Variants in TMEM26 observed in about 807,000 individuals in gnomAD.
TMEM26 encodes transmembrane protein 26.
Under a neutral mutation model 28.8 loss-of-function variants are expected in TMEM26, and 38 were observed. The ratio of observed to expected loss-of-function variants is 1.32; its 90% CI spans 1.02 to 1.73. TMEM26 has a LOEUF of 1.73. Ranked by LOEUF, TMEM26 falls within the 40% of genes most tolerant of loss-of-function variation. The probability of loss-of-function intolerance (pLI) is 0.00; values close to 1 mark genes in which losing one functional copy is unlikely to be tolerated. For synonymous variants in TMEM26, 227 were observed against 182.9 expected (o/e 1.24, Z -1.95); for missense variants, 518 against 447.1 (o/e 1.16, Z -1.43).
chr10:61,408,071 A>G lies in TMEM26; in HGVS notation c.*2251T>C, dbSNP rs1421272692. 1 of 152,184 alleles carries G rather than the reference A, an allele frequency of 6.6e-6. No homozygotes were observed. Among genetic ancestry groups the G allele is most frequent in the Non-Finnish European group, 1.5e-5 (1 of 68,032 alleles). 9.4% of individuals were successfully genotyped at this position (152,184 alleles called of 1,614,324 possible). A position where few individuals can be genotyped will look rare whatever the true frequency, so the allele number is the denominator to read the frequency against. On this transcript the variant is annotated 3_prime_UTR_variant, in exon 6 of 6. Transcript: ENST00000399298. ...TTATTCAAATAAACTAAGCAAATGC[A>G]TATTTTTTTTTCCTATTATAAAAGC...
In TMEM26 at chr10:61,453,093, C is replaced by T; in HGVS notation, c.-12G>A. ...ACCAGTCCCTCCATGCTGGCCGGAGCACTCTGCCTACGTCCCCTTGCCTGC... is the reference window on the plus strand; with the variant it reads ...ACCAGTCCCTCCATGCTGGCCGGAGTACTCTGCCTACGTCCCCTTGCCTGC... On this transcript the variant is annotated 5_prime_UTR_variant, in exon 1 of 6. Coordinates refer to ENST00000399298, the MANE Select transcript of TMEM26 (RefSeq NM_178505.8). 1.2e-6 allele frequency: 2 copies of T among 1,609,738 alleles called. No individual in the cohort carries two copies. The highest frequency in any genetic ancestry group is 1.7e-6 in the Non-Finnish European group (2 of 1,178,174).
chr10:61,414,807 A>C (rs1434905878), intron 4 of TMEM26: 1 of 214,000 alleles, frequency 4.7e-6, no homozygotes, highest in African/African-American at 2.4e-5. Context: ...CCTCTTAAAA[A>C]ATATAGTTAG....
At chr10:61,444,475 A>G (rs967254769) in intron 1 of TMEM26, among the ~76,000 whole-genome samples, 1 of 151,920 alleles carries the variant, frequency 6.6e-6, no homozygotes, top group African/African-American at 2.4e-5. Flanking sequence ...ATAGTCTAGA[A>G]TTTTCCCCCT....
intron 1 of TMEM26, among the ~76,000 whole-genome samples, chr10:61,448,611 GTTTT>G (rs1365908526): frequency 2.2e-5 from 3 of 135,196 alleles, no homozygotes; most frequent in Non-Finnish European, 3.2e-5. Context: ...TTTGTTTTCT[GTTTT>G]TTTGTTTTTT....
chr10:61,440,343 T>C (rs1840071559), intron 1 of TMEM26, among the ~76,000 whole-genome samples: 1 of 152,156 alleles, frequency 6.6e-6, no homozygotes, highest in South Asian at 2.1e-4. Flanking sequence ...TATGCTTAAC[T>C]TCACAATCAA....
At position 61,408,978 on chromosome 10, in the gene TMEM26, G is replaced by A. The variant is rs976796483; in HGVS notation, c.*1344C>T. On this transcript the variant is annotated 3_prime_UTR_variant, in exon 6 of 6. Coordinates refer to ENST00000399298, the MANE Select transcript of TMEM26 (RefSeq NM_178505.8). ...GTCAATAAGTCATACCAAATTAAGG[G>A]CATACCCCACCTTAAATGTCCCTTT... 3.9e-5 allele frequency: 6 copies of A among 152,134 alleles called. No individual in the cohort carries two copies. Among genetic ancestry groups the A allele is most frequent in the Non-Finnish European group, 8.8e-5 (6 of 68,034 alleles). The allele number at this position is 152,134 out of a possible 1,614,324, so 9.4% of individuals were successfully genotyped here.
chr10:61,453,051 C>T lies in TMEM26; in HGVS notation c.31G>A (p.Ala11Thr). 2.5e-6 allele frequency: 4 copies of T among 1,613,638 alleles called. No homozygotes were observed. Among genetic ancestry groups the T allele is most frequent in the Non-Finnish European group, 3.4e-6 (4 of 1,180,012 alleles). Reference protein sequence around the residue: MEGLVFLNALATRLLFLLHSL... With the variant: MEGLVFLNALTTRLLFLLHSL... Reference sequence around the variant, plus strand: ...TGCAGCAGGAACAGCAACCGAGTGGCCAGGGCGTTAAGGAAGACCAGTCCC... The same window carrying T: ...TGCAGCAGGAACAGCAACCGAGTGGTCAGGGCGTTAAGGAAGACCAGTCCC... Residue 11 changes from alanine to threonine, a missense_variant, in exon 1 of 6, where the codon GCC (alanine) becomes ACC (threonine). By Grantham distance (58) the Ala-to-Thr change is moderately conservative. Transcript: ENST00000399298.
chr10:61,438,683 A>G (rs975557452), intron 1 of TMEM26, among the ~76,000 whole-genome samples: 3 of 152,224 alleles, frequency 2.0e-5, no homozygotes, highest in Non-Finnish European at 4.4e-5. Context: ...GAAACTGGTT[A>G]TATAAACAAA....
At position 61,408,778 on chromosome 10, in the gene TMEM26, G is replaced by A. The variant is rs375717666; in HGVS notation, c.*1544C>T. ...AGTCATTATATTGTTAAAATTAGAA[G>A]CACAAGGAAGAAAGAAATAAAAAAC... On this transcript the variant is annotated 3_prime_UTR_variant, in exon 6 of 6. Coordinates refer to ENST00000399298, the MANE Select transcript of TMEM26 (RefSeq NM_178505.8). The A allele has an allele frequency of 1.3e-5, 2 of 152,124 alleles. No individual in the cohort carries two copies. Among genetic ancestry groups the A allele is most frequent in the Admixed American group, 1.3e-4 (2 of 15,276 alleles). The allele number at this position is 152,124 out of a possible 1,614,324, so 9.4% of individuals were successfully genotyped here.
At position 61,410,543 on chromosome 10, in the gene TMEM26, C is replaced by G; in HGVS notation, c.886G>C (p.Val296Leu). The G allele has an allele frequency of 6.2e-7, 1 of 1,614,076 alleles. No individual in the cohort carries two copies. Among genetic ancestry groups the G allele is most frequent in the Non-Finnish European group, 8.5e-7 (1 of 1,180,008 alleles). Residue 296 changes from valine (V) to leucine (L), a missense_variant, in exon 6 of 6, where the codon GTG (valine) becomes CTG (leucine). Physicochemically the swap from Val to Leu is conservative, Grantham distance 32. Coordinates refer to ENST00000399298, the MANE Select transcript of TMEM26 (RefSeq NM_178505.8). ...AAGCGGTAGAGTTGCAACACCACCA[C>G]GAGGAAGTTCTTCGCGGCAAAGAAC... ...LVFFAAKNFL[V>L]VVLQLYRLVV...
chr10:61,413,357 T>C, intron 5 of TMEM26, 102 bp downstream of exon 5: 5 of 1,501,512 alleles, frequency 3.3e-6, no homozygotes, highest in Non-Finnish European at 4.4e-6. Flanking sequence ...AATATTGGGA[T>C]ACAGACATGA....
chr10:61,413,385 T>A, intron 5 of TMEM26, 74 bp downstream of exon 5: 2 of 1,569,274 alleles, frequency 1.3e-6, no homozygotes, highest in Non-Finnish European at 1.7e-6. Context: ...TTCACTTGCC[T>A]TCTTAGTTTT....
chr10:61,449,492 T>C (rs1226533247), intron 1 of TMEM26, among the ~76,000 whole-genome samples: 2 of 152,210 alleles, frequency 1.3e-5, no homozygotes, highest in Non-Finnish European at 2.9e-5. Flanking sequence ...AAGTGTCATA[T>C]GTTTGCTGTG....
chr10:61,419,992 G>A (rs191729097), intron 4 of TMEM26, among the ~76,000 whole-genome samples: 1 of 152,058 alleles, frequency 6.6e-6, no homozygotes, highest in Non-Finnish European at 1.5e-5. Flanking sequence ...CAAAGTGGGG[G>A]TTAGTTAAGG....
chr10:61,436,966 C>T (rs868863732), intron 1 of TMEM26, among the ~76,000 whole-genome samples: 1 of 152,166 alleles, frequency 6.6e-6, no homozygotes. Context: ...TCTTAATCCA[C>T]AAAAACGTCA....
chr10:61,441,298 C>T (rs765131385), intron 1 of TMEM26, among the ~76,000 whole-genome samples: 2 of 152,146 alleles, frequency 1.3e-5, no homozygotes, highest in Admixed American at 6.5e-5. Flanking sequence ...AAAATTTCTT[C>T]TTGAAATGTC....
Position 61,436,176 on chromosome 10 carries a change from C to T in TMEM26, c.264G>A (p.Glu88=), listed in dbSNP as rs779540529. 1.9e-6 allele frequency: 3 copies of T among 1,600,620 alleles called. No homozygotes were observed. Among genetic ancestry groups the T allele is most frequent in the Admixed American group, 1.7e-5 (1 of 59,584 alleles). Residue 88 remains glutamate (E), a synonymous_variant, in exon 2 of 6, where the codon GAG becomes GAA. Transcript: ENST00000399298. ...ACTTTCCAAAAAGAAGTACCTGGGTCTCATGGTGCAATTCAAGAAGCCATA... is the reference window on the plus strand; with the variant it reads ...ACTTTCCAAAAAGAAGTACCTGGGTTTCATGGTGCAATTCAAGAAGCCATA... The part of the protein sequence containing the change: ...PSLWLLELHH[E]TQYCSIQAEG...
intron 4 of TMEM26, chr10:61,416,017 T>C (rs1839646041): frequency 4.9e-6 from 2 of 405,972 alleles, no homozygotes; most frequent in Non-Finnish European, 9.7e-6. Context: ...GAATTCAAAT[T>C]TCATCACAAT....
intron 1 of TMEM26, among the ~76,000 whole-genome samples, chr10:61,441,492 G>T (rs1840092501): frequency 6.6e-6 from 1 of 152,160 alleles, no homozygotes; most frequent in Non-Finnish European, 1.5e-5. Context: ...AGAGTGTGAA[G>T]TTTAAAAATT....
Sources: gnomAD v4.1 joint callset for allele counts (sites outside exome capture counted in the v4.1 genomes callset) on GRCh38, gnomAD v4.1.1 for gene constraint, MANE v1.5 for transcripts, NCBI Gene and HGNC (gene_info 2026-07-23, HGNC 2026-07-21) for gene names.